ERC1: variants seen among roughly 807,000 people sequenced by gnomAD.
The protein encoded by ERC1 is RAB6 interacting protein 2.
In ERC1, 56 loss-of-function variants were observed where a neutral mutation model predicts 132.0. The ratio of observed to expected loss-of-function variants is 0.42; its 90% CI spans 0.34 to 0.53. ERC1 has a LOEUF of 0.53. Ranked by LOEUF, ERC1 falls within the 20% of genes least tolerant of loss-of-function variation. The pLI is 0.03. For missense variants in ERC1, 1,202 were observed against 1,349.9 expected, an observed-to-expected ratio of 0.89 and a Z score of 1.72; for synonymous variants, 478 against 476.1, an observed-to-expected ratio of 1.00 and a Z score of -0.05.
chr12:1,140,492 G>C (rs971800021), intron 7 of ERC1, among the ~76,000 whole-genome samples: 42 of 152,298 alleles, frequency 2.8e-4, no homozygotes, highest in African/African-American at 9.6e-4. Flanking sequence ...TGTCGTGTCA[G>C]TGCTCAAAAA....
At chr12:1,367,272 A>T (rs1420389349) in intron 15 of ERC1, among the ~76,000 whole-genome samples, 2 of 152,242 alleles carry the variant, frequency 1.3e-5, no homozygotes, top group Non-Finnish European at 1.5e-5. Flanking sequence ...CTATTCCTAC[A>T]TGTCCATGAC....
intron 1 of ERC1, among the ~76,000 whole-genome samples, chr12:1,026,241 C>A (rs1163966273): frequency 1.3e-5 from 2 of 152,126 alleles, no homozygotes; most frequent in South Asian, 2.1e-4. Context: ...ATAAAACTAT[C>A]AGATCCCATG....
intron 17 of ERC1, among the ~76,000 whole-genome samples, chr12:1,427,594 A>G (rs2092679503): frequency 6.6e-6 from 1 of 152,046 alleles, no homozygotes; most frequent in South Asian, 2.1e-4. Flanking sequence ...GGGCGTTTGT[A>G]TTATTTTGAG....
intron 2 of ERC1, among the ~76,000 whole-genome samples, chr12:1,029,511 T>TG (rs1416601582): frequency 5.9e-5 from 9 of 152,332 alleles, no homozygotes; most frequent in African/African-American, 2.2e-4. Context: ...TTGGTGTGAT[T>TG]GTTTACTTGT....
At chr12:1,292,462 A>G (rs1007142574) in intron 15 of ERC1, among the ~76,000 whole-genome samples, 1 of 152,230 alleles carries the variant, frequency 6.6e-6, no homozygotes, top group African/African-American at 2.4e-5. Context: ...GAAAAATATT[A>G]GAATCTCCTG....
chr12:1,163,220 T>C (rs1488856761), intron 8 of ERC1, among the ~76,000 whole-genome samples: 1 of 152,182 alleles, frequency 6.6e-6, no homozygotes, highest in East Asian at 1.9e-4. Context: ...ACAAGTGATA[T>C]TTTATAATTA....
chr12:999,317 A>G (rs901737048), intron 1 of ERC1, among the ~76,000 whole-genome samples: 2 of 152,082 alleles, frequency 1.3e-5, no homozygotes, highest in African/African-American at 4.8e-5. Flanking sequence ...GGACCACTCT[A>G]TCGAATTGCT....
At chr12:1,440,424 T>C (rs186679570) in intron 17 of ERC1, among the ~76,000 whole-genome samples, 1,788 of 150,886 alleles carry the variant, frequency 0.012, 83 homozygotes, top group African/African-American at 0.042. Flanking sequence ...GCCAGGATGG[T>C]CTCGATCTCC....
At chr12:1,059,545 G>A (rs917886639) in intron 2 of ERC1, among the ~76,000 whole-genome samples, 2 of 152,148 alleles carry the variant, frequency 1.3e-5, no homozygotes, top group African/African-American at 2.4e-5. Context: ...TTATCAGGAA[G>A]GTATGTTGAA....
intron 15 of ERC1, among the ~76,000 whole-genome samples, chr12:1,343,602 C>T (rs76117781): frequency 0.029 from 4,413 of 152,112 alleles, 87 homozygotes; most frequent in South Asian, 0.087. Flanking sequence ...GTTAGTGGCT[C>T]GGTGTTTTCA....
intron 1 of ERC1, among the ~76,000 whole-genome samples, chr12:1,025,942 A>G (rs1225195547): frequency 6.6e-6 from 1 of 151,914 alleles, no homozygotes; most frequent in Non-Finnish European, 1.5e-5. Context: ...GATTACAGGC[A>G]CCTGCCACCA....
chr12:1,005,630 G>A (rs1332839106), intron 1 of ERC1, among the ~76,000 whole-genome samples: 6 of 152,064 alleles, frequency 3.9e-5, no homozygotes, highest in Non-Finnish European at 8.8e-5. Context: ...AATCCATTCT[G>A]AATAATGTGA....
intron 16 of ERC1, among the ~76,000 whole-genome samples, chr12:1,398,228 CCCT>C (rs1180633674): frequency 1.3e-5 from 2 of 152,140 alleles, no homozygotes; most frequent in African/African-American, 4.8e-5. Context: ...AAGTGATCCT[CCCT>C]CCTCAGCCTC....
intron 14 of ERC1, among the ~76,000 whole-genome samples, chr12:1,289,112 C>T (rs1056870497): frequency 1.4e-5 from 2 of 146,572 alleles, no homozygotes; most frequent in African/African-American, 5.0e-5. Context: ...CACACACACA[C>T]ACACACACAC....
chr12:1,479,339 G>T (rs1172737536), intron 18 of ERC1, among the ~76,000 whole-genome samples: 1 of 152,118 alleles, frequency 6.6e-6, no homozygotes, highest in African/African-American at 2.4e-5. Flanking sequence ...GATATGGCTT[G>T]CATCGACTGT....
At chr12:1,133,881 A>G (rs796411437) in intron 7 of ERC1, among the ~76,000 whole-genome samples, 47 of 152,186 alleles carry the variant, frequency 3.1e-4, no homozygotes, top group African/African-American at 1.1e-3. Context: ...TTCAGATTCC[A>G]TATGTAAGTG....
At chr12:1,484,290 C>T (rs765230107) in intron 18 of ERC1, among the ~76,000 whole-genome samples, 7 of 150,618 alleles carry the variant, frequency 4.6e-5, no homozygotes, top group Admixed American at 6.6e-5. Context: ...GGTGACAGAG[C>T]GAGACTCCGT....
intron 2 of ERC1, among the ~76,000 whole-genome samples, chr12:1,044,779 A>G (rs1970817822): frequency 6.6e-6 from 1 of 152,148 alleles, no homozygotes; most frequent in Non-Finnish European, 1.5e-5. Context: ...CATTTGGATA[A>G]CTAATCACTA....
chr12:1,044,960 A>G (rs1970850333), intron 2 of ERC1, among the ~76,000 whole-genome samples: 2 of 152,134 alleles, frequency 1.3e-5, no homozygotes, highest in African/African-American at 2.4e-5. Context: ...ATTGCTGGAA[A>G]TGAATTTTTT....
Sources: gnomAD v4.1 joint callset for allele counts (sites outside exome capture counted in the v4.1 genomes callset) on GRCh38, gnomAD v4.1.1 for gene constraint, MANE v1.5 for transcripts, NCBI Gene and HGNC (gene_info 2026-07-23, HGNC 2026-07-21) for gene names.